JPH2: variants seen among roughly 807,000 people sequenced by gnomAD.
The protein encoded by JPH2 is junctophilin-2.
A neutral mutation model predicts 55.9 loss-of-function variants in JPH2; 38 were observed. The observed-to-expected ratio is 0.68, with a 90% CI of 0.52 to 0.89. The LOEUF (loss-of-function observed/expected upper bound fraction) is 0.89. Ranked by LOEUF, JPH2 falls within the 40% of genes least tolerant of loss-of-function variation. JPH2 has a pLI of 0.00. For synonymous variants in JPH2, 480 were observed against 472.4 expected, an observed-to-expected ratio of 1.02 and a Z score of -0.21; for missense variants, 964 against 1,037.6, an observed-to-expected ratio of 0.93 and a Z score of 0.97.
chr20:44,114,892 A>G lies in JPH2; in HGVS notation c.2011-16T>C. On this transcript the variant is annotated splice_polypyrimidine_tract_variant and intron_variant, in intron 4 of 5. Transcript: ENST00000372980. Reference sequence around the variant, plus strand: ...TGTTGGGGACCTGGGAGCAGTGGAGAGAGGCTTCCTGAGTCCCCATGGCCT... The same window carrying G: ...TGTTGGGGACCTGGGAGCAGTGGAGGGAGGCTTCCTGAGTCCCCATGGCCT... 1 of 1,588,726 alleles carries G rather than the reference A, an allele frequency of 6.3e-7. No individual in the cohort carries two copies. The highest frequency in any genetic ancestry group is 8.6e-7 in the Non-Finnish European group (1 of 1,167,392).
rs57740300 is a variant in JPH2, at chr20:44,133,934, AT to A, written c.1170-15312del. Among the ~76,000 whole-genome samples, 33 of 30,370 alleles carry A rather than the reference AT, an allele frequency of 1.1e-3. 6 individuals are homozygous for A. The highest frequency in any genetic ancestry group is 3.7e-3 in the South Asian group (4 of 1,074). 19.9% of individuals were successfully genotyped at this position (30,370 alleles called of 152,430 possible). A position where few individuals can be genotyped will look rare whatever the true frequency, so the allele number is the denominator to read the frequency against. On this transcript the variant is annotated intron_variant, in intron 2 of 5. Transcript: ENST00000372980. ...TATACATTATAATATATAAATATAT[AT>A]TTATTATAAATATATATAAATAAAT... is the stretch of plus-strand genomic sequence containing the variant.
intron 2 of JPH2, among the ~76,000 whole-genome samples, chr20:44,133,202 C>G (rs975837308): frequency 1.4e-5 from 2 of 146,372 alleles, no homozygotes; most frequent in Non-Finnish European, 3.0e-5. Context: ...CTGCCCACAT[C>G]TCTGCAAACA....
At chr20:44,167,209 C>T (rs959790817) in intron 1 of JPH2, among the ~76,000 whole-genome samples, 2 of 152,148 alleles carry the variant, frequency 1.3e-5, no homozygotes, top group South Asian at 2.1e-4. Flanking sequence ...CCACAGGTGC[C>T]ATTGAATAAT....
At position 44,123,065 on chromosome 20, in the gene JPH2, G is replaced by T. The variant is rs372706005; in HGVS notation, c.1170-4442C>A. Among the ~76,000 whole-genome samples, 32 of 152,310 alleles carry T rather than the reference G, an allele frequency of 2.1e-4. No homozygotes were observed. The East Asian group carries it at 4.6e-3, about 22-fold the overall frequency. On this transcript the variant is annotated intron_variant, in intron 2 of 5. Coordinates refer to ENST00000372980, the MANE Select transcript of JPH2 (RefSeq NM_020433.5). Reference sequence around the variant, plus strand: ...TCCCCACAGCCCTGGAAGATTCTGGGGGACCCACTGTGCACAGCCAGAACA... The same window carrying T: ...TCCCCACAGCCCTGGAAGATTCTGGTGGACCCACTGTGCACAGCCAGAACA...
At chr20:44,157,117 C>T (rs1334316637) in intron 2 of JPH2, among the ~76,000 whole-genome samples, 3 of 152,070 alleles carry the variant, frequency 2.0e-5, no homozygotes, top group Non-Finnish European at 4.4e-5. Flanking sequence ...TTTTTCAAGC[C>T]ATGTCTGGTG....
rs2072154312 is a variant in JPH2 at position 44,112,629 on chromosome 20, C to T, written c.*889G>A. ...GGCCCTGATGGGGGAGGAGACAAGC[C>T]ATTTCACAGGGCATCACAGGAGATT... is the stretch of plus-strand genomic sequence containing the variant. On this transcript the variant is annotated 3_prime_UTR_variant, in exon 6 of 6. Transcript: ENST00000372980. 6.6e-6 allele frequency: 1 copy of T among 152,266 alleles called. No homozygotes were observed. The highest frequency in any genetic ancestry group is 1.5e-5 in the Non-Finnish European group (1 of 68,126). The allele number at this position is 152,266 out of a possible 1,614,324, so 9.4% of individuals were successfully genotyped here. A position where few individuals can be genotyped will look rare whatever the true frequency, so the allele number is the denominator to read the frequency against.
intron 1 of JPH2, among the ~76,000 whole-genome samples, chr20:44,185,624 G>T (rs1487476787): frequency 3.5e-5 from 5 of 141,552 alleles, no homozygotes; most frequent in African/African-American, 1.3e-4. Flanking sequence ...AACAGAACGA[G>T]AACTTGTCTT....
chr20:44,181,395 C>T (rs1269887786), intron 1 of JPH2, among the ~76,000 whole-genome samples: 1 of 152,230 alleles, frequency 6.6e-6, no homozygotes, highest in African/African-American at 2.4e-5. Flanking sequence ...CTGAATAAAT[C>T]TTTCAGAAAA....
intron 2 of JPH2, among the ~76,000 whole-genome samples, chr20:44,130,053 T>C (rs2072306615): frequency 7.5e-6 from 1 of 133,252 alleles, no homozygotes; most frequent in African/African-American, 2.8e-5. Flanking sequence ...TTGTAGTAAT[T>C]TGTTACTGCA....
intron 2 of JPH2, among the ~76,000 whole-genome samples, chr20:44,134,840 TATGTTTA>T (rs2072393123): frequency 8.5e-6 from 1 of 118,242 alleles, no homozygotes; most frequent in African/African-American, 3.3e-5. Flanking sequence ...TACATAAATA[TATGTTTA>T]TTATAAATAT....
At chr20:44,126,708 T>C (rs2072279521) in intron 2 of JPH2, among the ~76,000 whole-genome samples, 2 of 152,216 alleles carry the variant, frequency 1.3e-5, no homozygotes, top group Admixed American at 1.3e-4. Flanking sequence ...TTCATTCTCA[T>C]TCGGCAAATG....
chr20:44,159,861 G>T lies in JPH2; in HGVS notation c.926C>A (p.Ser309Tyr). ...CTCGCCCTCGTAGCGGAGGCCACTGGAGCGTTCGCTCACGCCGAAGCCCGA... is the reference window on the plus strand; with the variant it reads ...CTCGCCCTCGTAGCGGAGGCCACTGTAGCGTTCGCTCACGCCGAAGCCCGA... ...KRSGFGVSER[S>Y]SGLRYEGEWL... is the part of the protein sequence containing the mutation. The change falls in exon 2 of 6, where the codon TCC becomes TAC. Residue 309 changes from serine to tyrosine, a missense_variant. Ser to Tyr is a moderately radical substitution (Grantham distance 144). Transcript: ENST00000372980. The surrounding 1 kb of genome is among the most constrained non-coding windows in gnomAD (Gnocchi z 5.7). The T allele has an allele frequency of 1.2e-6, 2 of 1,613,582 alleles. No homozygotes were observed. The highest frequency in any genetic ancestry group is 1.3e-5 in the African/African-American group (1 of 75,042).
At chr20:44,181,694 C>T (rs2145900122) in intron 1 of JPH2, among the ~76,000 whole-genome samples, 2 of 152,320 alleles carry the variant, frequency 1.3e-5, no homozygotes, top group South Asian at 4.1e-4. Flanking sequence ...GCTCTGTCCT[C>T]TCGTCCTGGA....
chr20:44,182,248 TC>T (rs563264450), intron 1 of JPH2, among the ~76,000 whole-genome samples: 125 of 152,258 alleles, frequency 8.2e-4, no homozygotes, highest in African/African-American at 2.9e-3. Flanking sequence ...TGAGTGCAGA[TC>T]CTTAACAAAC....
At position 44,186,667 on chromosome 20, in the gene JPH2, C is replaced by A. The variant is rs764170888; in HGVS notation, c.39G>T (p.Ala13=). ...GGRFDFDDGG[A]YCGGWEGGKA... ...TTCCCCCCTCCCAGCCCCCGCAGTA[C>A]GCCCCTCCATCATCAAAGTCGAAGC... The change falls in exon 1 of 6, where the codon GCG becomes GCT. Residue 13 remains alanine, a synonymous_variant. Transcript: ENST00000372980. 1.9e-6 allele frequency: 3 copies of A among 1,594,398 alleles called. No individual in the cohort carries two copies. The highest frequency in any genetic ancestry group is 2.6e-6 in the Non-Finnish European group (3 of 1,171,764).
rs554401417 is a variant in JPH2 at position 44,108,224 on chromosome 20, G to A, written c.*5294C>T. The stretch of plus-strand genomic sequence containing the variant: ...CAATGCTGGCAAGGTAACAGATACC[G>A]AGGACACGGGTGTTTAGCATTTGGA... On this transcript the variant is annotated 3_prime_UTR_variant, in exon 6 of 6. Transcript: ENST00000372980. 2.0e-5 allele frequency among the ~76,000 whole-genome samples: 3 copies of A among 152,276 alleles called. No homozygotes were observed. The highest frequency in any genetic ancestry group is 3.9e-4 in the East Asian group (2 of 5,182).
rs184875893 is a variant in JPH2 at position 44,122,262 on chromosome 20, G to T, written c.1170-3639C>A. Among the ~76,000 whole-genome samples the T allele has an allele frequency of 2.5e-4, 38 of 152,288 alleles. No individual in the cohort carries two copies. In the East Asian group the frequency reaches 6.0e-3, roughly 24 times the overall value. On this transcript the variant is annotated intron_variant, in intron 2 of 5. Coordinates refer to ENST00000372980, the MANE Select transcript of JPH2 (RefSeq NM_020433.5). ...CATGCAGGCGTGCACATATGTAGGGGCAAGGAGACAGCCTAGGGAAGAGTT... is the reference window on the plus strand; with the variant it reads ...CATGCAGGCGTGCACATATGTAGGGTCAAGGAGACAGCCTAGGGAAGAGTT...
Position 44,160,447 on chromosome 20 carries a change from G to T in JPH2, c.380-40C>A. 6.3e-7 allele frequency: 1 copy of T among 1,593,058 alleles called. No homozygotes were observed. The highest frequency in any genetic ancestry group is 8.5e-7 in the Non-Finnish European group (1 of 1,170,928). On this transcript the variant is annotated intron_variant, in intron 1 of 5. Transcript: ENST00000372980. This position sits in a 1 kb window ranked among gnomAD's most constrained non-coding sequence, Gnocchi z 4.9. The stretch of plus-strand genomic sequence containing the variant: ...AGGGCGCGTCAGTAGGCGGCACGAC[G>T]GGTCCCCGCGTGTGCACGGTGGCCT...
intron 1 of JPH2, chr20:44,177,807 T>G: frequency 1.3e-6 from 2 of 1,566,990 alleles, no homozygotes; most frequent in South Asian, 1.1e-5. Flanking sequence ...CCGAAGACAG[T>G]GACAGCTATG....
Sources: gnomAD v4.1 joint callset for allele counts (sites outside exome capture counted in the v4.1 genomes callset) on GRCh38, gnomAD v4.1.1 for gene constraint, Gnocchi (gnomAD v3.1) non-coding constraint, MANE v1.5 for transcripts, NCBI Gene and HGNC (gene_info 2026-07-23, HGNC 2026-07-21) for gene names.